The following LRCH3 variants were observed in gnomAD, a reference collection of about 807,000 sequenced individuals.
The protein encoded by LRCH3 is DISP complex protein LRCH3.
A neutral mutation model predicts 104.5 loss-of-function variants in LRCH3; 68 were observed. That is an observed-to-expected ratio of 0.65 (90% confidence interval 0.54 to 0.80). The LOEUF is 0.80. Among genes scored for constraint, LRCH3 ranks in the 30% least tolerant of loss-of-function variants. The pLI is 0.00. For synonymous variants in LRCH3, 344 were observed against 361.3 expected, an observed-to-expected ratio of 0.95 and a Z score of 0.54; for missense variants, 951 against 953.9, an observed-to-expected ratio of 1.00 and a Z score of 0.04.
At chr3:197,880,918 T>G in intron 20 of LRCH3, 4 of 1,417,906 alleles carry the variant, frequency 2.8e-6, no homozygotes, top group Non-Finnish European at 3.7e-6. Flanking sequence ...TAACAAAGAG[T>G]AAAAGACCAG....
intron 8 of LRCH3, 28 bp from the exon 9 acceptor site, chr3:197,835,646 T>TGG (rs539627597): frequency 1.3e-6 from 2 of 1,586,166 alleles, no homozygotes; most frequent in Non-Finnish European, 8.6e-7. Context: ...TGTGTGTGTG[T>TGG]GTGTGGGTGT....
chr3:197,806,830 G>A (rs1251007642), intron 1 of LRCH3, among the ~76,000 whole-genome samples: 1 of 151,438 alleles, frequency 6.6e-6, no homozygotes. Flanking sequence ...GGGATTACAG[G>A]TGTGAGCCAC....
Position 197,820,328 on chromosome 3 carries a change from G to A in LRCH3, c.538G>A (p.Val180Met), listed in dbSNP as rs566380296. The A allele has an allele frequency of 4.0e-5, 64 of 1,603,054 alleles. No individual in the cohort carries two copies. The South Asian group carries it at 6.9e-4, about 17-fold the overall frequency. The change falls in exon 4 of 21, where the codon GTG (valine) becomes ATG (methionine). Residue 180 changes from valine (V) to methionine (M), a missense_variant. Physicochemically the swap from Val to Met is conservative, Grantham distance 21. Transcript: ENST00000425562. ...GHLRHLMELD[V>M]SCNEIQTIPS... is the part of the protein sequence containing the mutation. ...ATTTTGTATCTTTTCGAAATAGGATGTGAGCTGCAATGAAATTCAAACTAT... is the reference window on the plus strand; with the variant it reads ...ATTTTGTATCTTTTCGAAATAGGATATGAGCTGCAATGAAATTCAAACTAT...
At chr3:197,873,716 C>T (rs1410011507) in intron 19 of LRCH3, among the ~76,000 whole-genome samples, 1 of 152,014 alleles carries the variant, frequency 6.6e-6, no homozygotes, top group Non-Finnish European at 1.5e-5. Context: ...CAGAGCGAGA[C>T]CCTGACCCTA....
rs1737470768 is a variant in LRCH3 at position 197,839,492 on chromosome 3, G to A, written c.1328+95G>A. On this transcript the variant is annotated intron_variant, in intron 10 of 20. Coordinates refer to ENST00000425562, the MANE Select transcript of LRCH3 (RefSeq NM_001365715.1). ...ATGCAGATCTGTGTGTAATAAAGAT[G>A]TTTACATGGCATGTATTTAGAACTG... 10 of 673,464 alleles carry A rather than the reference G, an allele frequency of 1.5e-5. 1 individual carries two copies. The highest frequency in any genetic ancestry group is 2.0e-5 in the Non-Finnish European group (8 of 401,114). The allele number at this position is 673,464 out of a possible 1,614,324, so 41.7% of individuals were successfully genotyped here. A position where few individuals can be genotyped will look rare whatever the true frequency, so the allele number is the denominator to read the frequency against.
rs147412439 is a variant in LRCH3, at chr3:197,868,765, T to A, written c.1874-1395T>A. ...AATACATACAATACAGCATAATTTA[T>A]ACAAAGTTCAAAAATGAACCAGACC... is the stretch of plus-strand genomic sequence containing the variant. On this transcript the variant is annotated intron_variant, in intron 17 of 20. Transcript: ENST00000425562. Among the ~76,000 whole-genome samples, 810 of 152,334 alleles carry A rather than the reference T, an allele frequency of 5.3e-3. 3 individuals carry two copies. Among genetic ancestry groups the A allele is most frequent in the Non-Finnish European group, 7.9e-3 (535 of 68,032 alleles).
At chr3:197,844,393 T>C (rs1372849577) in intron 10 of LRCH3, among the ~76,000 whole-genome samples, 1 of 151,910 alleles carries the variant, frequency 6.6e-6, no homozygotes, top group Non-Finnish European at 1.5e-5. Context: ...TAAATGAGAA[T>C]GGTTGTTGTT....
At chr3:197,794,861 C>G (rs7636286) in intron 1 of LRCH3, among the ~76,000 whole-genome samples, 1,546 of 152,110 alleles carry the variant, frequency 0.01, 14 homozygotes, top group African/African-American at 0.035. Flanking sequence ...AAAAATTAGC[C>G]AGGTGTAATG....
chr3:197,829,811 G>A, intron 6 of LRCH3, 138 bp downstream of exon 6: 1 of 641,542 alleles, frequency 1.6e-6, no homozygotes. Context: ...TGCTTGTATT[G>A]TAAAGTTGAT....
chr3:197,838,135 T>C (rs1176304444), intron 9 of LRCH3, among the ~76,000 whole-genome samples: 1 of 151,774 alleles, frequency 6.6e-6, no homozygotes, highest in Non-Finnish European at 1.5e-5. Context: ...TTTAAAGTGG[T>C]GTAGCTTGGC....
chr3:197,812,500 T>G (rs1387991584), intron 1 of LRCH3, among the ~76,000 whole-genome samples: 1 of 142,718 alleles, frequency 7.0e-6, no homozygotes, highest in African/African-American at 2.6e-5. Context: ...AGTCTCTGCT[T>G]TCAGTTTTTT....
At chr3:197,848,869 TTCTG>T (rs2109394558) in intron 12 of LRCH3, among the ~76,000 whole-genome samples, 1 of 152,372 alleles carries the variant, frequency 6.6e-6, no homozygotes, top group East Asian at 1.9e-4. Context: ...AACTCTTTTT[TTCTG>T]AATGTACCAG....
In LRCH3 at chr3:197,818,637, C is replaced by T. The variant is rs113526084; in HGVS notation, c.534+1335C>T. Among the ~76,000 whole-genome samples, 30 of 152,292 alleles carry T rather than the reference C, an allele frequency of 2.0e-4. 1 individual carries two copies. The highest frequency in any genetic ancestry group is 7.0e-4 in the African/African-American group (29 of 41,564). On this transcript the variant is annotated intron_variant, in intron 3 of 20. Transcript: ENST00000425562. ...TATGTTTATCAGCATCTCTTCAGAA[C>T]TTGGGTTAAAAACATGAACTAGAAG...
rs555192898 is a variant in LRCH3, at chr3:197,857,230, C to T, written c.1645-1604C>T. Among the ~76,000 whole-genome samples, 109 of 114,662 alleles carry T rather than the reference C, an allele frequency of 9.5e-4. 1 individual carries two copies. In the South Asian group the frequency reaches 0.013, roughly 14 times the overall value. The allele number at this position is 114,662 out of a possible 152,430, so 75.2% of individuals were successfully genotyped here. On this transcript the variant is annotated intron_variant, in intron 14 of 20. Transcript: ENST00000425562. ...ATTGTCTTCGGGCTACCCCTCAAGC[C>T]CCTGTTAATATCAGTTACACTGACA...
At chr3:197,857,001 C>CA (rs1266543343) in intron 14 of LRCH3, among the ~76,000 whole-genome samples, 1 of 152,368 alleles carries the variant, frequency 6.6e-6, no homozygotes, top group East Asian at 1.9e-4. Flanking sequence ...TTTACACTGA[C>CA]ATTGTCTTCG....
chr3:197,881,639 C>T (rs1713780724), intron 20 of LRCH3: 1 of 985,466 alleles, frequency 1.0e-6, no homozygotes, highest in Non-Finnish European at 1.2e-6. Flanking sequence ...TTTCAGAATG[C>T]GTAGCACTTA....
rs752828752 is a variant in LRCH3 at position 197,865,403 on chromosome 3, A to G, written c.1717-20A>G. On this transcript the variant is annotated intron_variant, in intron 15 of 20. Coordinates refer to ENST00000425562, the MANE Select transcript of LRCH3 (RefSeq NM_001365715.1). Reference sequence around the variant, plus strand: ...TTCTTCTTGAATAACAATTATTGATATATGTCTGTTTCTCCACAGAGTGAT... The same window carrying G: ...TTCTTCTTGAATAACAATTATTGATGTATGTCTGTTTCTCCACAGAGTGAT... 1.3e-6 allele frequency: 2 copies of G among 1,503,046 alleles called. No homozygotes were observed. Among genetic ancestry groups the G allele is most frequent in the Non-Finnish European group, 1.8e-6 (2 of 1,095,178 alleles). The allele number at this position is 1,503,046 out of a possible 1,614,324, so 93.1% of individuals were successfully genotyped here.
chr3:197,822,443 A>C (rs563051268), intron 4 of LRCH3, among the ~76,000 whole-genome samples: 10 of 152,342 alleles, frequency 6.6e-5, no homozygotes, highest in African/African-American at 2.4e-4. Context: ...GGTTTTAATC[A>C]AAATGAAAAT....
intron 8 of LRCH3, among the ~76,000 whole-genome samples, chr3:197,834,093 C>T (rs1326647872): frequency 6.6e-6 from 1 of 152,140 alleles, no homozygotes; most frequent in Non-Finnish European, 1.5e-5. Flanking sequence ...GTTCACTGTT[C>T]CAGCAACTGC....
Sources: allele counts gnomAD v4.1 joint callset (sites outside exome capture counted in the v4.1 genomes callset), GRCh38; gene constraint gnomAD v4.1.1; transcripts MANE v1.5; gene names NCBI Gene and HGNC (gene_info 2026-07-23, HGNC 2026-07-21).